TMEM117: variants seen among roughly 807,000 people sequenced by gnomAD.
TMEM117 encodes transmembrane protein 117.
In TMEM117, 27 loss-of-function variants were observed where a neutral mutation model predicts 52.4. That is an observed-to-expected ratio of 0.51 (90% CI 0.38 to 0.71). The LOEUF (loss-of-function observed/expected upper bound fraction) is 0.71. Among genes scored for constraint, TMEM117 ranks in the 30% least tolerant of loss-of-function variants. The probability of loss-of-function intolerance (pLI) is 0.00; values close to 1 mark genes in which losing one functional copy is unlikely to be tolerated. For synonymous variants in TMEM117, 215 were observed against 206.3 expected, an observed-to-expected ratio of 1.04 and a Z score of -0.36; for missense variants, 556 against 630.5, an observed-to-expected ratio of 0.88 and a Z score of 1.26.
At chr12:44,054,697 G>A (rs1947025483) in intron 3 of TMEM117, among the ~76,000 whole-genome samples, 1 of 149,940 alleles carries the variant, frequency 6.7e-6, no homozygotes, top group Non-Finnish European at 1.5e-5. Flanking sequence ...ATACCAATAG[G>A]ATTATTTTTT....
intron 4 of TMEM117, among the ~76,000 whole-genome samples, chr12:44,174,454 T>A (rs924408284): frequency 6.6e-6 from 1 of 152,198 alleles, no homozygotes; most frequent in Non-Finnish European, 1.5e-5. Flanking sequence ...TACTTAACTA[T>A]TTTTTTGAGT....
In TMEM117 at chr12:44,119,875, A is replaced by G. The variant is rs531802347; in HGVS notation, c.411-23650A>G. Among the ~76,000 whole-genome samples, 381 of 152,348 alleles carry G rather than the reference A, an allele frequency of 2.5e-3. 4 individuals carry two copies. Among genetic ancestry groups the G allele is most frequent in the African/African-American group, 7.9e-3 (330 of 41,578 alleles). Reference sequence around the variant, plus strand: ...AACCAGGGTTGAGAATGAGTAGAACATGGATCAGGACTGAGAGGTCTGTGG... The same window carrying G: ...AACCAGGGTTGAGAATGAGTAGAACGTGGATCAGGACTGAGAGGTCTGTGG... On this transcript the variant is annotated intron_variant, in intron 3 of 7. Coordinates refer to ENST00000266534, the MANE Select transcript of TMEM117 (RefSeq NM_032256.3).
At chr12:44,233,830 A>G (rs79379987) in intron 5 of TMEM117, among the ~76,000 whole-genome samples, 2,657 of 151,514 alleles carry the variant, frequency 0.018, 61 homozygotes, top group East Asian at 0.057. Flanking sequence ...TATGCAAGTT[A>G]TTCGTTCTCA....
intron 4 of TMEM117, among the ~76,000 whole-genome samples, chr12:44,191,961 A>G (rs1949360703): frequency 6.6e-6 from 1 of 152,202 alleles, no homozygotes; most frequent in Non-Finnish European, 1.5e-5. Context: ...CTATGAGCAA[A>G]TGTAAAAGGT....
chr12:44,229,811 T>C (rs575481308), intron 5 of TMEM117, among the ~76,000 whole-genome samples: 1 of 152,252 alleles, frequency 6.6e-6, no homozygotes, highest in Non-Finnish European at 1.5e-5. Flanking sequence ...TTGTTATAGA[T>C]TACATGCATG....
chr12:44,185,869 T>TAC (rs3065433), intron 4 of TMEM117, among the ~76,000 whole-genome samples: 17,678 of 134,908 alleles, frequency 0.13, 1,057 homozygotes, highest in Middle Eastern at 0.18. Context: ...CTAAAAGACA[T>TAC]ACACACACAC....
chr12:43,978,675 A>G (rs1945712217), intron 3 of TMEM117, among the ~76,000 whole-genome samples: 1 of 152,164 alleles, frequency 6.6e-6, no homozygotes, highest in African/African-American at 2.4e-5. Flanking sequence ...AGAGAGTGTT[A>G]TCTGAAGATC....
chr12:44,386,581 G>A (rs1192448718), intron 7 of TMEM117, among the ~76,000 whole-genome samples: 1 of 152,004 alleles, frequency 6.6e-6, no homozygotes, highest in Non-Finnish European at 1.5e-5. Flanking sequence ...AATTATCATG[G>A]TTTAGGCAAG....
chr12:44,279,232 A>C lies in TMEM117; in HGVS notation c.609-20348A>C, dbSNP rs565163565. Among the ~76,000 whole-genome samples, 3 of 152,318 alleles carry C rather than the reference A, an allele frequency of 2.0e-5. No homozygotes were observed. The East Asian group carries it at 5.8e-4, about 29-fold the overall frequency. On this transcript the variant is annotated intron_variant, in intron 5 of 7. Transcript: ENST00000266534. ...TTAGGTAGCATTTTAATATGCCTGG[A>C]TGAGCTTTGAATGCCCTTCTCCATT...
chr12:43,869,162 A>G (rs1186939062), intron 2 of TMEM117, among the ~76,000 whole-genome samples: 2 of 152,216 alleles, frequency 1.3e-5, no homozygotes, highest in African/African-American at 4.8e-5. Flanking sequence ...TAATCCACAT[A>G]GCTATATATT....
intron 2 of TMEM117, among the ~76,000 whole-genome samples, chr12:43,862,788 G>A (rs1156803382): frequency 6.6e-6 from 1 of 152,172 alleles, no homozygotes; most frequent in African/African-American, 2.4e-5. Context: ...TGGAAGAAGT[G>A]CATTCAAACT....
At chr12:43,866,845 C>T (rs879873036) in intron 2 of TMEM117, among the ~76,000 whole-genome samples, 12 of 152,288 alleles carry the variant, frequency 7.9e-5, no homozygotes, top group African/African-American at 2.6e-4. Flanking sequence ...AATCCCAACA[C>T]TTTGGGAGGC....
chr12:43,953,416 C>T (rs560210056), intron 3 of TMEM117, among the ~76,000 whole-genome samples: 7 of 152,104 alleles, frequency 4.6e-5, no homozygotes, highest in African/African-American at 1.2e-4. Context: ...ATCTCATGTG[C>T]GAAGACACAC....
intron 4 of TMEM117, among the ~76,000 whole-genome samples, chr12:44,173,215 A>G (rs1949072663): frequency 6.6e-6 from 1 of 152,134 alleles, no homozygotes; most frequent in South Asian, 2.1e-4. Flanking sequence ...AGTGGGGACC[A>G]CAGGTGTGTG....
At chr12:44,014,150 A>T (rs1175174338) in intron 3 of TMEM117, among the ~76,000 whole-genome samples, 3 of 152,190 alleles carry the variant, frequency 2.0e-5, no homozygotes, top group East Asian at 3.9e-4. Flanking sequence ...GCACAAAAGC[A>T]ATAGAGCTGA....
chr12:43,972,519 G>A (rs1945606107), intron 3 of TMEM117, among the ~76,000 whole-genome samples: 1 of 152,202 alleles, frequency 6.6e-6, no homozygotes. Context: ...GGGGTGGCCA[G>A]CTTTTATTTC....
At chr12:43,975,636 A>G (rs908493528) in intron 3 of TMEM117, among the ~76,000 whole-genome samples, 9 of 152,322 alleles carry the variant, frequency 5.9e-5, no homozygotes, top group African/African-American at 2.2e-4. Context: ...AGTAAAAATG[A>G]TAATATCGTA....
chr12:44,394,030 T>C (rs1952171651), downstream of TMEM117, among the ~76,000 whole-genome samples: 2 of 152,126 alleles, frequency 1.3e-5, no homozygotes, highest in Non-Finnish European at 2.9e-5. Flanking sequence ...TTATGAATAT[T>C]AAAACAAGGG....
chr12:43,856,084 A>G (rs372896257), intron 2 of TMEM117, among the ~76,000 whole-genome samples: 2 of 152,196 alleles, frequency 1.3e-5, no homozygotes, highest in East Asian at 3.8e-4. Context: ...TTAAAACTGT[A>G]TTTATGACTA....
Sources: allele counts gnomAD v4.1 joint callset (sites outside exome capture counted in the v4.1 genomes callset), GRCh38; gene constraint gnomAD v4.1.1; transcripts MANE v1.5; gene names NCBI Gene and HGNC (gene_info 2026-07-23, HGNC 2026-07-21).